The following EIF3A variants were observed in gnomAD, a reference collection of about 807,000 sequenced individuals.
The protein encoded by EIF3A is EIF3, p180 subunit.
In EIF3A, 21 loss-of-function variants were observed where a neutral mutation model predicts 186.6. That is an observed-to-expected ratio of 0.11 (90% CI 0.08 to 0.16). The LOEUF is 0.16. EIF3A is among the 10% of genes least tolerant of loss of function. The pLI, the probability that EIF3A is intolerant of heterozygous loss-of-function variation, is 1.00. For missense variants in EIF3A, 1,306 were observed against 1,796.3 expected, an observed-to-expected ratio of 0.73 and a Z score of 4.93; for synonymous variants, 563 against 584.3, an observed-to-expected ratio of 0.96 and a Z score of 0.52.
intron 17 of EIF3A, among the ~76,000 whole-genome samples, chr10:119,046,359 A>G (rs937854016): frequency 6.6e-6 from 1 of 152,232 alleles, no homozygotes; most frequent in Admixed American, 6.5e-5. Context: ...GAAAAAACTT[A>G]TGAGACACAC....
At chr10:119,062,926 T>G (rs568987063) in intron 7 of EIF3A, among the ~76,000 whole-genome samples, 320 of 151,810 alleles carry the variant, frequency 2.1e-3, no homozygotes, top group Admixed American at 3.4e-3. Flanking sequence ...TTTTTTTTTT[T>G]TGTATTTTTA....
At chr10:119,045,148 T>C (rs1248815066) in intron 17 of EIF3A, among the ~76,000 whole-genome samples, 1 of 152,154 alleles carries the variant, frequency 6.6e-6, no homozygotes, top group Non-Finnish European at 1.5e-5. Flanking sequence ...TTTCAACATG[T>C]TGGCCATGCT....
chr10:119,042,269 T>C lies in EIF3A; in HGVS notation c.3251A>G (p.Asp1084Gly). The C allele has an allele frequency of 1.2e-6, 2 of 1,613,292 alleles. No homozygotes were observed. The highest frequency in any genetic ancestry group is 2.2e-5 in the East Asian group (1 of 44,654). ...GCCTCGCCTGGGACCCCGGTCATCA[T>C]CCATGCCTCGCCTGGGACCCCGATC... ...DDDRGPRRGM[D>G]DDRGPRRGMD... Residue 1084 changes from aspartate (D) to glycine (G), a missense_variant, in exon 19 of 22, where the codon GAT becomes GGT. Transcript: ENST00000369144. The surrounding 1 kb of genome is among the most constrained non-coding windows in gnomAD (Gnocchi z 7.8).
chr10:119,070,990 T>G lies in EIF3A; in HGVS notation c.637A>C (p.Asn213His). The G allele has an allele frequency of 6.2e-7, 1 of 1,614,076 alleles. No homozygotes were observed. The highest frequency in any genetic ancestry group is 8.5e-7 in the Non-Finnish European group (1 of 1,179,934). The stretch of plus-strand genomic sequence containing the variant: ...TTAAGATTGATTGCCGTACTTTGGT[T>G]ATGGTGGCGCTGAATCTGCGATAAG... Reference protein sequence around the residue: ...MHLSQIQRHHNQSTAINLNNP... With the variant: ...MHLSQIQRHHHQSTAINLNNP... Residue 213 changes from asparagine (N) to histidine (H), a missense_variant, in exon 5 of 22, where the codon AAC becomes CAC. By Grantham distance (68) the Asn-to-His change is moderately conservative. Coordinates refer to ENST00000369144, the MANE Select transcript of EIF3A (RefSeq NM_003750.4).
At chr10:119,049,441 C>G (rs1848325211) in intron 17 of EIF3A, among the ~76,000 whole-genome samples, 1 of 134,190 alleles carries the variant, frequency 7.5e-6, no homozygotes, top group Non-Finnish European at 1.5e-5. Context: ...GAAGCCGAGA[C>G]AGAGATCACA....
At chr10:119,047,712 G>A (rs1446211890) in intron 17 of EIF3A, among the ~76,000 whole-genome samples, 3 of 152,152 alleles carry the variant, frequency 2.0e-5, no homozygotes, top group Non-Finnish European at 4.4e-5. Flanking sequence ...AAGGGAAAAT[G>A]TATTCTTAAA....
chr10:119,080,454 T>TA (rs1844246423), intron 1 of EIF3A, 174 bp downstream of exon 1: 5 of 985,140 alleles, frequency 5.1e-6, no homozygotes, highest in Non-Finnish European at 6.0e-6. Flanking sequence ...CCCCAGTCGA[T>TA]AGAGTGAGAA....
At chr10:119,038,914 G>A (rs1226597490) in intron 19 of EIF3A, among the ~76,000 whole-genome samples, 1 of 151,842 alleles carries the variant, frequency 6.6e-6, no homozygotes, top group African/African-American at 2.4e-5. Flanking sequence ...GACAGAATGA[G>A]ACTGTCTCAA....
At position 119,059,584 on chromosome 10, in the gene EIF3A, C is replaced by T. The variant is rs555054635; in HGVS notation, c.1443+18G>A. 69 of 1,589,776 alleles carry T rather than the reference C, an allele frequency of 4.3e-5. No homozygotes were observed. The East Asian group carries it at 1.1e-3, about 25-fold the overall frequency. On this transcript the variant is annotated intron_variant, in intron 10 of 21. Transcript: ENST00000369144. ...GCCCTCAAGGGCCTTCTCCTGTCTCCTTACAGCACATACCTACCTGCAAGT... is the reference window on the plus strand; with the variant it reads ...GCCCTCAAGGGCCTTCTCCTGTCTCTTTACAGCACATACCTACCTGCAAGT...
rs950492958 is a variant in EIF3A, at chr10:119,034,028, C to A, written c.*2011G>T. 6.0e-6 allele frequency: 1 copy of A among 167,190 alleles called. No homozygotes were observed. The highest frequency in any genetic ancestry group is 1.9e-4 in the East Asian group (1 of 5,194). The allele number at this position is 167,190 out of a possible 1,614,324, so 10.4% of individuals were successfully genotyped here. The stretch of plus-strand genomic sequence containing the variant: ...CTACTGGATCTATCTGTATTAACAG[C>A]AATGTTACTCTCAATGAAACTGCAG... On this transcript the variant is annotated 3_prime_UTR_variant, in exon 22 of 22. Coordinates refer to ENST00000369144, the MANE Select transcript of EIF3A (RefSeq NM_003750.4).
chr10:119,042,343 G>A lies in EIF3A; in HGVS notation c.3177C>T (p.Ser1059=), dbSNP rs528239308. 3 of 1,612,858 alleles carry A rather than the reference G, an allele frequency of 1.9e-6. No individual in the cohort carries two copies. In the Admixed American group the frequency reaches 5.0e-5, roughly 27 times the overall value. Residue 1059 remains serine, a synonymous_variant, in exon 19 of 22, where the codon TCC becomes TCT. Transcript: ENST00000369144. The surrounding 1 kb of genome is among the most constrained non-coding windows in gnomAD (Gnocchi z 7.8). ...RRGGADDERS[S]WRNADDDRGP... is the part of the protein sequence containing the mutation. ...CCCGGTCATCATCAGCATTACGCCA[G>A]GATGATCGCTCATCATCAGCGCCTC... is the stretch of plus-strand genomic sequence containing the variant.
At chr10:119,043,803 C>T (rs1416020641) in intron 18 of EIF3A, among the ~76,000 whole-genome samples, 2 of 149,692 alleles carry the variant, frequency 1.3e-5, no homozygotes, top group African/African-American at 4.9e-5. Flanking sequence ...ACCTGTAATC[C>T]CAGCTATTCG....
chr10:119,058,438 C>A, intron 11 of EIF3A, 135 bp from the exon 12 acceptor site: 1 of 673,650 alleles, frequency 1.5e-6, no homozygotes. Flanking sequence ...ATGACACTAT[C>A]CAAGCTGTTT....
intron 7 of EIF3A, among the ~76,000 whole-genome samples, chr10:119,061,803 A>G (rs1843892347): frequency 2.0e-5 from 3 of 152,260 alleles, no homozygotes; most frequent in Admixed American, 6.5e-5. Flanking sequence ...CATAGAACAC[A>G]TGAATAAATC....
At chr10:119,039,802 G>A (rs899208826) in intron 19 of EIF3A, among the ~76,000 whole-genome samples, 2 of 152,096 alleles carry the variant, frequency 1.3e-5, no homozygotes, top group Admixed American at 6.6e-5. Flanking sequence ...TGAATTCAAT[G>A]GTAATGAATC....
chr10:119,072,243 T>A (rs1589696264), intron 4 of EIF3A, among the ~76,000 whole-genome samples: 1 of 122,830 alleles, frequency 8.1e-6, no homozygotes, highest in African/African-American at 3.1e-5. Flanking sequence ...TCAAGTTCAC[T>A]AAAAAAAAAA....
At chr10:119,066,036 A>G (rs2119819835) in intron 6 of EIF3A, among the ~76,000 whole-genome samples, 1 of 152,126 alleles carries the variant, frequency 6.6e-6, no homozygotes, top group South Asian at 2.1e-4. Context: ...GAATCGCATG[A>G]ACCCGGGAGG....
At chr10:119,052,327 A>G (rs543937159) in intron 14 of EIF3A, among the ~76,000 whole-genome samples, 21 of 136,224 alleles carry the variant, frequency 1.5e-4, no homozygotes, top group African/African-American at 5.5e-4. Flanking sequence ...ATGAGATTGC[A>G]GCAATTCAGT....
rs141499066 is a variant in EIF3A at position 119,036,209 on chromosome 10, G to A, written c.3979C>T (p.Pro1327Ser). 5.4e-5 allele frequency: 87 copies of A among 1,613,706 alleles called. No individual in the cohort carries two copies. In the African/African-American group the frequency reaches 8.8e-4, roughly 16 times the overall value. ...KDDRVEERDP[P>S]RRVPPPALSR... ...AGAGCTGGGGGAGGAACTCGACGAG[G>A]AGGGTCCCGCTCTTCCACCCGGTCA... is the stretch of plus-strand genomic sequence containing the variant. Residue 1327 changes from proline (P) to serine (S), a missense_variant, in exon 22 of 22, where the codon CCT becomes TCT. This residue lies in a region of EIF3A where 331 missense variants were observed against 365.8 expected (regional missense o/e 0.90). Coordinates refer to ENST00000369144, the MANE Select transcript of EIF3A (RefSeq NM_003750.4).
Sources: gnomAD v4.1 joint callset for allele counts (sites outside exome capture counted in the v4.1 genomes callset) on GRCh38, gnomAD v4.1.1 for gene constraint, gnomAD v4.1.1 regional missense constraint, Gnocchi (gnomAD v3.1) non-coding constraint, MANE v1.5 for transcripts, NCBI Gene and HGNC (gene_info 2026-07-23, HGNC 2026-07-21) for gene names.